Variants in RAD54B observed in about 807,000 individuals in gnomAD.
RAD54B encodes the protein DNA repair and recombination protein RAD54B.
Under a neutral mutation model 95.8 loss-of-function variants are expected in RAD54B, and 78 were observed. The observed-to-expected ratio is 0.81, with a 90% CI of 0.68 to 0.98. The LOEUF is 0.98. RAD54B is among the 50% of genes least tolerant of loss of function. The pLI, the probability that RAD54B is intolerant of heterozygous loss-of-function variation, is 0.00. For missense variants in RAD54B, 957 were observed against 1,056.6 expected, an observed-to-expected ratio of 0.91 and a Z score of 1.31; for synonymous variants, 328 against 354.9, an observed-to-expected ratio of 0.92 and a Z score of 0.85.
chr8:94,391,785 T>C lies in RAD54B; in HGVS notation c.1633A>G (p.Asn545Asp). 1.2e-6 allele frequency: 2 copies of C among 1,614,072 alleles called. No individual in the cohort carries two copies. Among genetic ancestry groups the C allele is most frequent in the Non-Finnish European group, 1.7e-6 (2 of 1,180,002 alleles). ...INKYLPPKIENVVFCRPGALQ... is the reference protein window; with the variant it reads ...INKYLPPKIEDVVFCRPGALQ... ...GCTCCTGGTCGGCAAAAGACAACAT[T>C]CTCTATTTTAGGTGGGAGATATTTA... Residue 545 changes from asparagine to aspartate, a missense_variant, in exon 10 of 15, where the codon AAT becomes GAT. By Grantham distance (23) the Asn-to-Asp change is conservative. Coordinates refer to ENST00000336148, the MANE Select transcript of RAD54B (RefSeq NM_012415.3).
chr8:94,404,916 C>T (rs1811349856), intron 5 of RAD54B, among the ~76,000 whole-genome samples: 1 of 152,040 alleles, frequency 6.6e-6, no homozygotes, highest in Non-Finnish European at 1.5e-5. Context: ...CAGGTTCAAG[C>T]AATTCTCGTG....
chr8:94,468,826 C>CA (rs1172036946), intron 1 of RAD54B, among the ~76,000 whole-genome samples: 24 of 144,772 alleles, frequency 1.7e-4, no homozygotes, highest in East Asian at 6.0e-4. Flanking sequence ...GACTCTGTCT[C>CA]AAAAAAAAAA....
chr8:94,416,649 G>A (rs914692029), intron 3 of RAD54B, among the ~76,000 whole-genome samples: 1 of 151,998 alleles, frequency 6.6e-6, no homozygotes, highest in Non-Finnish European at 1.5e-5. Flanking sequence ...AACATCATTA[G>A]TCATCCAGAA....
intron 3 of RAD54B, among the ~76,000 whole-genome samples, chr8:94,414,638 TG>T (rs1408868077): frequency 1.1e-4 from 16 of 152,314 alleles, no homozygotes; most frequent in African/African-American, 3.8e-4. Flanking sequence ...TTTATTGATT[TG>T]CGTATATTGA....
At chr8:94,410,864 A>G (rs1376393424) in intron 4 of RAD54B, among the ~76,000 whole-genome samples, 1 of 152,174 alleles carries the variant, frequency 6.6e-6, no homozygotes, top group Non-Finnish European at 1.5e-5. Flanking sequence ...ATAACTATAT[A>G]TAGCTGGCTG....
At chr8:94,408,987 G>C (rs1811464181) in intron 4 of RAD54B, among the ~76,000 whole-genome samples, 1 of 149,890 alleles carries the variant, frequency 6.7e-6, no homozygotes, top group African/African-American at 2.4e-5. Context: ...CTTAAACTTT[G>C]TTTCACATAC....
rs146593075 is a variant in RAD54B, at chr8:94,391,648, T to C, written c.1770A>G (p.Lys590=). The stretch of plus-strand genomic sequence containing the variant: ...ACAAAAGGCAGGGGTGATTGCACAG[T>C]TTTTTAAGAGCTCCTATACATATTA... ...PHLICIGALK[K]LCNHPCLLFN... is the part of the protein sequence containing the mutation. Residue 590 remains lysine, a synonymous_variant, in exon 10 of 15, where the codon AAA becomes AAG. Transcript: ENST00000336148. 2 of 1,613,594 alleles carry C rather than the reference T, an allele frequency of 1.2e-6. No homozygotes were observed. The highest frequency in any genetic ancestry group is 1.7e-6 in the Non-Finnish European group (2 of 1,179,932).
intron 1 of RAD54B, among the ~76,000 whole-genome samples, chr8:94,471,766 T>C (rs979059300): frequency 1.3e-5 from 2 of 152,054 alleles, no homozygotes; most frequent in Admixed American, 6.5e-5. Context: ...ACCTTTGTAA[T>C]AGGGAAAAGT....
chr8:94,414,362 T>A (rs982020114), intron 3 of RAD54B, among the ~76,000 whole-genome samples: 2 of 152,154 alleles, frequency 1.3e-5, no homozygotes, highest in African/African-American at 2.4e-5. Context: ...TCCAACACTA[T>A]GTTGAATAGG....
intron 1 of RAD54B, among the ~76,000 whole-genome samples, chr8:94,473,417 C>G (rs1813216236): frequency 6.6e-6 from 1 of 152,016 alleles, no homozygotes; most frequent in African/African-American, 2.4e-5. Context: ...TGGTCTTGCA[C>G]AGTTTACTTT....
intron 2 of RAD54B, among the ~76,000 whole-genome samples, chr8:94,460,824 A>G (rs1036901128): frequency 1.3e-5 from 2 of 151,938 alleles, no homozygotes; most frequent in African/African-American, 4.9e-5. Flanking sequence ...CCATATTCAA[A>G]GTCAACTATG....
rs553501595 is a variant in RAD54B, at chr8:94,375,393, T to C, written c.2515+2787A>G. ...GGTCTTTCCTGTGCTGTTCTTGTGATAATGAATGGGTCTCACGAGATCTGA... is the reference window on the plus strand; with the variant it reads ...GGTCTTTCCTGTGCTGTTCTTGTGACAATGAATGGGTCTCACGAGATCTGA... On this transcript the variant is annotated intron_variant, in intron 14 of 14. Coordinates refer to ENST00000336148, the MANE Select transcript of RAD54B (RefSeq NM_012415.3). Among the ~76,000 whole-genome samples, 5 of 152,292 alleles carry C rather than the reference T, an allele frequency of 3.3e-5. No individual in the cohort carries two copies. In the East Asian group the frequency reaches 9.7e-4, roughly 29 times the overall value.
chr8:94,428,764 A>G, intron 3 of RAD54B: 1 of 985,228 alleles, frequency 1.0e-6, no homozygotes, highest in South Asian at 4.7e-5. Flanking sequence ...ACTTTCCCCT[A>G]TATATTCCCC....
chr8:94,387,287 G>T, intron 10 of RAD54B, 128 bp from the exon 11 acceptor site: 2 of 739,520 alleles, frequency 2.7e-6, no homozygotes, highest in Non-Finnish European at 2.1e-6. Flanking sequence ...GAAACTGTTA[G>T]GTAAATCTTT....
chr8:94,421,147 C>A (rs1352679779), intron 3 of RAD54B, among the ~76,000 whole-genome samples: 1 of 152,150 alleles, frequency 6.6e-6, no homozygotes, highest in Non-Finnish European at 1.5e-5. Flanking sequence ...GTCATTCCCC[C>A]TAAACTGCCC....
intron 10 of RAD54B, among the ~76,000 whole-genome samples, chr8:94,391,299 A>G (rs1384737854): frequency 6.6e-6 from 1 of 151,702 alleles, no homozygotes; most frequent in East Asian, 1.9e-4. Flanking sequence ...GACAGACTAT[A>G]TTAACATAAA....
intron 3 of RAD54B, among the ~76,000 whole-genome samples, chr8:94,454,150 T>TA (rs1812729089): frequency 6.8e-6 from 1 of 146,726 alleles, no homozygotes; most frequent in African/African-American, 2.7e-5. Context: ...GCATTACCTT[T>TA]TAAAAAAAAA....
chr8:94,420,659 T>C (rs572433157), intron 3 of RAD54B, among the ~76,000 whole-genome samples: 1 of 150,638 alleles, frequency 6.6e-6, no homozygotes, highest in African/African-American at 2.4e-5. Context: ...GGGAGAAACA[T>C]GTATTGCAGG....
chr8:94,416,285 A>G (rs1811664195), intron 3 of RAD54B, among the ~76,000 whole-genome samples: 1 of 151,842 alleles, frequency 6.6e-6, no homozygotes, highest in Non-Finnish European at 1.5e-5. Context: ...CAAACACCGC[A>G]TGTTCTCACT....
Sources: allele counts gnomAD v4.1 joint callset (sites outside exome capture counted in the v4.1 genomes callset), GRCh38; gene constraint gnomAD v4.1.1; transcripts MANE v1.5; gene names NCBI Gene and HGNC (gene_info 2026-07-23, HGNC 2026-07-21).